The following TBC1D22A variants were observed in gnomAD, a reference collection of about 807,000 sequenced individuals.
The protein encoded by TBC1D22A is putative GTPase activator.
Under a neutral mutation model 60.2 loss-of-function variants are expected in TBC1D22A, and 38 were observed. The observed-to-expected ratio is 0.63, with a 90% CI of 0.49 to 0.83. The LOEUF (loss-of-function observed/expected upper bound fraction) is 0.83, where lower values mean the gene tolerates loss of function less well. Ranked by LOEUF, TBC1D22A falls within the 40% of genes least tolerant of loss-of-function variation. The pLI is 0.00. For synonymous variants in TBC1D22A, 302 were observed against 281.7 expected, an observed-to-expected ratio of 1.07 and a Z score of -0.72; for missense variants, 628 against 701.0, an observed-to-expected ratio of 0.90 and a Z score of 1.18.
At chr22:46,781,894 C>T (rs2083955709) in intron 1 of TBC1D22A, among the ~76,000 whole-genome samples, 1 of 152,212 alleles carries the variant, frequency 6.6e-6, no homozygotes. Context: ...GAACACCCAA[C>T]TAATGGCCCC....
chr22:46,955,439 A>G (rs943276184), intron 8 of TBC1D22A, among the ~76,000 whole-genome samples: 3 of 152,244 alleles, frequency 2.0e-5, no homozygotes, highest in Non-Finnish European at 4.4e-5. Flanking sequence ...CTTCTTAGGC[A>G]TATGTATCAG....
chr22:46,814,130 T>A (rs1380313633), intron 4 of TBC1D22A, among the ~76,000 whole-genome samples: 1 of 152,264 alleles, frequency 6.6e-6, no homozygotes, highest in Non-Finnish European at 1.5e-5. Context: ...ACATTCATCT[T>A]TGCTATTCTT....
chr22:46,822,051 T>C (rs1191946707), intron 4 of TBC1D22A, among the ~76,000 whole-genome samples: 2 of 152,004 alleles, frequency 1.3e-5, no homozygotes, highest in Admixed American at 1.3e-4. Flanking sequence ...TTGTGTTTGC[T>C]TCACGAAGAT....
chr22:46,955,919 A>G (rs764244090), intron 8 of TBC1D22A, among the ~76,000 whole-genome samples: 1 of 152,246 alleles, frequency 6.6e-6, no homozygotes, highest in Non-Finnish European at 1.5e-5. Flanking sequence ...AAATGTTTGC[A>G]TGAGTTGAGG....
chr22:47,104,719 A>C (rs967906907), intron 11 of TBC1D22A, among the ~76,000 whole-genome samples: 6 of 151,916 alleles, frequency 3.9e-5, no homozygotes, highest in Admixed American at 1.3e-4. Flanking sequence ...AAAAGATTCA[A>C]TAGGAAACAT....
chr22:46,780,184 C>T (rs2083878308), intron 1 of TBC1D22A, among the ~76,000 whole-genome samples: 1 of 152,166 alleles, frequency 6.6e-6, no homozygotes, highest in Admixed American at 6.5e-5. Context: ...CTATTGACCC[C>T]TAAGGGGGCA....
At chr22:46,909,421 C>T (rs748713097) in intron 7 of TBC1D22A, among the ~76,000 whole-genome samples, 42 of 152,246 alleles carry the variant, frequency 2.8e-4, no homozygotes, top group South Asian at 8.3e-4. Flanking sequence ...TGGGGCGCTG[C>T]ACTGCTTGTT....
intron 8 of TBC1D22A, among the ~76,000 whole-genome samples, chr22:46,945,384 C>A (rs1158677859): frequency 6.6e-6 from 1 of 152,190 alleles, no homozygotes; most frequent in Non-Finnish European, 1.5e-5. Flanking sequence ...GTTTATTTAG[C>A]ACGTTGTTTC....
At position 47,173,509 on chromosome 22, in the gene TBC1D22A, CT is replaced by C; in HGVS notation, c.1439del (p.Phe480SerfsTer71). The C allele has an allele frequency of 3.1e-6, 5 of 1,614,048 alleles. No individual in the cohort carries two copies. The highest frequency in any genetic ancestry group is 3.4e-6 in the Non-Finnish European group (4 of 1,179,946). Reference protein sequence around the residue: ...EEKDFQELLLFLQNLPTAHWD... With the variant: ...EEKDFQELLLXLQNLPTAHWD... ...CTCTTTCTCCCCAGGAGCTGCTGCT[CT>C]TCCTCCAGAACCTGCCCACAGCCCA... is the stretch of plus-strand genomic sequence containing the variant. On this transcript the variant is annotated frameshift_variant, in exon 13 of 13. Coordinates refer to ENST00000337137, the MANE Select transcript of TBC1D22A (RefSeq NM_014346.5). LOFTEE classifies it high-confidence loss of function.
At chr22:46,816,310 C>G (rs2147069430) in intron 4 of TBC1D22A, among the ~76,000 whole-genome samples, 1 of 152,342 alleles carries the variant, frequency 6.6e-6, no homozygotes, top group Admixed American at 6.5e-5. Context: ...GGTGCCGGGC[C>G]TGGCTCAGGG....
intron 4 of TBC1D22A, among the ~76,000 whole-genome samples, chr22:46,867,675 G>GA (rs1452893832): frequency 7.2e-5 from 11 of 152,250 alleles, no homozygotes; most frequent in African/African-American, 2.7e-4. Flanking sequence ...TGAAGATGAT[G>GA]ACGTTAACAC....
rs1569189469 is a variant in TBC1D22A, at chr22:46,897,640, G to GTTTTTTTGT, written c.900+2801_900+2802insGTTTTTTTT. 3.6e-3 allele frequency among the ~76,000 whole-genome samples: 387 copies of GTTTTTTTGT among 108,220 alleles called. 6 individuals carry two copies. The highest frequency in any genetic ancestry group is 0.015 in the African/African-American group (350 of 23,462). 71.0% of individuals were successfully genotyped at this position (108,220 alleles called of 152,430 possible). A position where few individuals can be genotyped will look rare whatever the true frequency, so the allele number is the denominator to read the frequency against. On this transcript the variant is annotated intron_variant, in intron 7 of 12. Transcript: ENST00000337137. ...GTTTTTTTTTGTTTTGTTTCGTTTT[G>GTTTTTTTGT]TTTTTTTTTGTGTTTTTTTTTTTTT...
At position 46,792,762 on chromosome 22, in the gene TBC1D22A, G is replaced by C. The variant is rs752584729; in HGVS notation, c.119+186G>C. The C allele has an allele frequency of 6.1e-6, 9 of 1,471,406 alleles. No homozygotes were observed. In the East Asian group the frequency reaches 2.2e-4, roughly 36 times the overall value. 91.1% of individuals were successfully genotyped at this position (1,471,406 alleles called of 1,614,324 possible). A position where few individuals can be genotyped will look rare whatever the true frequency, so the allele number is the denominator to read the frequency against. ...CTGTGCACCCCGTGCTGCGCATCCCGGTGAAGACGGCGGATGTGGGAGCCA... is the reference window on the plus strand; with the variant it reads ...CTGTGCACCCCGTGCTGCGCATCCCCGTGAAGACGGCGGATGTGGGAGCCA... On this transcript the variant is annotated intron_variant, in intron 2 of 12. Coordinates refer to ENST00000337137, the MANE Select transcript of TBC1D22A (RefSeq NM_014346.5).
chr22:47,058,477 C>T (rs1419477902), intron 11 of TBC1D22A, among the ~76,000 whole-genome samples: 3 of 152,212 alleles, frequency 2.0e-5, no homozygotes, highest in African/African-American at 7.2e-5. Context: ...GTTATGACCA[C>T]CCAGTCTAGT....
At chr22:47,089,021 A>C (rs751205771) in intron 11 of TBC1D22A, among the ~76,000 whole-genome samples, 2 of 152,210 alleles carry the variant, frequency 1.3e-5, no homozygotes, top group Non-Finnish European at 2.9e-5. Context: ...AGTGTGAAAC[A>C]TCCCACATGG....
chr22:46,817,237 G>A (rs1236483568), intron 4 of TBC1D22A, among the ~76,000 whole-genome samples: 2 of 151,384 alleles, frequency 1.3e-5, no homozygotes, highest in Non-Finnish European at 2.9e-5. Context: ...ATTGCTGTAA[G>A]TATATGAGGA....
chr22:47,165,856 G>A (rs953437202), intron 12 of TBC1D22A, among the ~76,000 whole-genome samples: 6 of 152,140 alleles, frequency 3.9e-5, no homozygotes, highest in African/African-American at 1.4e-4. Context: ...CTGTGGTTAG[G>A]GTTTCTCACC....
chr22:47,039,704 GAAAAA>G (rs34793078), intron 11 of TBC1D22A, among the ~76,000 whole-genome samples: 27 of 81,442 alleles, frequency 3.3e-4, no homozygotes, highest in Middle Eastern at 9.8e-3. Context: ...TGCATTTCAG[GAAAAA>G]AAAAAAAAAA....
intron 4 of TBC1D22A, among the ~76,000 whole-genome samples, chr22:46,806,378 A>T (rs1288278711): frequency 1.4e-5 from 2 of 147,600 alleles, no homozygotes; most frequent in East Asian, 2.0e-4. Context: ...TGGAGCTGAG[A>T]CTCAAAGGGC....
Sources: allele counts gnomAD v4.1 joint callset (sites outside exome capture counted in the v4.1 genomes callset), GRCh38; gene constraint gnomAD v4.1.1; transcripts MANE v1.5; gene names NCBI Gene and HGNC (gene_info 2026-07-23, HGNC 2026-07-21).